The following AKAP10 variants were observed in gnomAD, a reference collection of about 807,000 sequenced individuals.
The protein encoded by AKAP10 is A-kinase anchoring protein 10.
A neutral mutation model predicts 80.8 loss-of-function variants in AKAP10; 24 were observed. The observed-to-expected ratio is 0.30, with a 90% CI of 0.22 to 0.42. The LOEUF (loss-of-function observed/expected upper bound fraction) is 0.42. Ranked by LOEUF, AKAP10 falls within the 10% of genes least tolerant of loss-of-function variation. The pLI is 1.00. For missense variants in AKAP10, 661 were observed against 794.9 expected (o/e 0.83, Z 2.03); for synonymous variants, 291 against 277.7 (o/e 1.05, Z -0.48).
intron 4 of AKAP10, among the ~76,000 whole-genome samples, chr17:19,953,435 A>C (rs113560325): frequency 6.6e-6 from 1 of 152,108 alleles, no homozygotes; most frequent in African/African-American, 2.4e-5. Context: ...TAAAATTGAA[A>C]ACAAAACAAC....
chr17:19,958,469 T>A lies in AKAP10; in HGVS notation c.422A>T (p.Gln141Leu). 1.2e-6 allele frequency: 2 copies of A among 1,614,124 alleles called. No individual in the cohort carries two copies. Among genetic ancestry groups the A allele is most frequent in the South Asian group, 2.2e-5 (2 of 91,090 alleles). ...CTCCATTCGCCGAAGTTCCATGAAT[T>A]GAATGAAGTAAGGGAGGACAATAGT... The part of the protein sequence containing the change: ...HDTIVLPYFI[Q>L]FMELRRMEHL... Residue 141 changes from glutamine to leucine, a missense_variant, in exon 4 of 15, where the codon CAA (glutamine) becomes CTA (leucine). By Grantham distance (113) the Gln-to-Leu change is moderately radical. Coordinates refer to ENST00000225737, the MANE Select transcript of AKAP10 (RefSeq NM_007202.4).
chr17:19,969,156 C>T (rs913591496), intron 1 of AKAP10, among the ~76,000 whole-genome samples: 1 of 152,116 alleles, frequency 6.6e-6, no homozygotes, highest in Non-Finnish European at 1.5e-5. Context: ...CCAGCCTGGC[C>T]AACATGGTGA....
In AKAP10 at chr17:19,958,550, T is replaced by C. The variant is rs764114511; in HGVS notation, c.341A>G (p.Gln114Arg). The C allele has an allele frequency of 6.2e-7, 1 of 1,603,528 alleles. No individual in the cohort carries two copies. Among genetic ancestry groups the C allele is most frequent in the African/African-American group, 1.3e-5 (1 of 74,966 alleles). ...AAGGCTTGATTTGGTCTCTTGAGTC[T>C]GGTAGTCCAGACAAGATCTGCCTAA... ...GDLGRSCLDYQTQETKSSLSK... is the reference protein window; with the variant it reads ...GDLGRSCLDYRTQETKSSLSK... Residue 114 changes from glutamine (Q) to arginine (R), a missense_variant, in exon 4 of 15, where the codon CAG becomes CGG. By Grantham distance (43) the Gln-to-Arg change is conservative (BLOSUM62 1). Coordinates refer to ENST00000225737, the MANE Select transcript of AKAP10 (RefSeq NM_007202.4).
At chr17:19,919,188 A>C (rs1246682528) in intron 12 of AKAP10, among the ~76,000 whole-genome samples, 1 of 147,250 alleles carries the variant, frequency 6.8e-6, no homozygotes, top group Non-Finnish European at 1.5e-5. Context: ...TTGGTTTTCT[A>C]TCCTTGAGAC....
chr17:19,913,819 A>C (rs1408629678), intron 12 of AKAP10, among the ~76,000 whole-genome samples: 1 of 152,140 alleles, frequency 6.6e-6, no homozygotes, highest in Admixed American at 6.5e-5. Flanking sequence ...ATAATCCGTA[A>C]TCTTACCACT....
At chr17:19,928,920 A>C (rs762127597) in intron 10 of AKAP10, among the ~76,000 whole-genome samples, 5,916 of 152,258 alleles carry the variant, frequency 0.039, 155 homozygotes, top group Non-Finnish European at 0.058. Flanking sequence ...CTTGTACACA[A>C]ATGGTCACAG....
chr17:19,923,525 T>C (rs1342820632), intron 11 of AKAP10, among the ~76,000 whole-genome samples: 1 of 152,118 alleles, frequency 6.6e-6, no homozygotes, highest in East Asian at 1.9e-4. Flanking sequence ...CCAATACCAC[T>C]GTTACTTTCT....
rs1405182574 is a variant in AKAP10 at position 19,905,725 on chromosome 17, G to A, written c.*502C>T. On this transcript the variant is annotated 3_prime_UTR_variant, in exon 15 of 15. Transcript: ENST00000225737. ...TTAACTCTCACCCTGTTCCGCTGAA[G>A]CTGCTAGCACCACGCTGCCACTCAA... 6.5e-6 allele frequency: 1 copy of A among 153,162 alleles called. No individual in the cohort carries two copies. The highest frequency in any genetic ancestry group is 2.4e-5 in the African/African-American group (1 of 41,338). 9.5% of individuals were successfully genotyped at this position (153,162 alleles called of 1,614,324 possible).
At chr17:19,974,148 G>A (rs183923230) in intron 1 of AKAP10, among the ~76,000 whole-genome samples, 25 of 152,090 alleles carry the variant, frequency 1.6e-4, no homozygotes, top group Admixed American at 1.4e-3. Flanking sequence ...GCCAAGATCC[G>A]CCACTGCACT....
chr17:19,935,509 T>C (rs2042983042), intron 9 of AKAP10, among the ~76,000 whole-genome samples: 1 of 152,194 alleles, frequency 6.6e-6, no homozygotes, highest in Admixed American at 6.5e-5. Context: ...TTACTTTTTT[T>C]AGCTTTTTGA....
chr17:19,957,893 C>T, intron 4 of AKAP10, 121 bp downstream of exon 4: 2 of 1,075,190 alleles, frequency 1.9e-6, no homozygotes, highest in Non-Finnish European at 2.6e-6. Context: ...CCCAAATTTA[C>T]AAGTAGTTAG....
chr17:19,972,266 C>A (rs183493540), intron 1 of AKAP10, among the ~76,000 whole-genome samples: 1 of 152,062 alleles, frequency 6.6e-6, no homozygotes, highest in East Asian at 1.9e-4. Context: ...TTCCTTGTTT[C>A]CTTTGAGGTT....
At chr17:19,915,096 T>G (rs1319542134) in intron 12 of AKAP10, among the ~76,000 whole-genome samples, 1 of 152,222 alleles carries the variant, frequency 6.6e-6, no homozygotes, top group Non-Finnish European at 1.5e-5. Flanking sequence ...CACCTCTTTC[T>G]TCTCATCTCT....
At chr17:19,931,675 G>T in intron 10 of AKAP10, 130 bp downstream of exon 10, 1 of 1,078,398 alleles carries the variant, frequency 9.3e-7, no homozygotes, top group Non-Finnish European at 1.3e-6. Context: ...ACAGGCACAG[G>T]CCACTGTGCC....
chr17:19,963,211 C>CT (rs35363359), intron 2 of AKAP10, among the ~76,000 whole-genome samples, 189 bp from the exon 3 acceptor site: 7,950 of 119,552 alleles, frequency 0.066, 333 homozygotes, highest in Non-Finnish European at 0.098. Flanking sequence ...AGAAAACACT[C>CT]TTTTTTTTTT....
intron 12 of AKAP10, among the ~76,000 whole-genome samples, chr17:19,913,408 T>A (rs1032887104): frequency 6.6e-6 from 1 of 151,936 alleles, no homozygotes; most frequent in Admixed American, 6.6e-5. Flanking sequence ...TGCCTTGGCC[T>A]CCCAACGTGC....
At chr17:19,950,388 T>G (rs2043186369) in intron 4 of AKAP10, among the ~76,000 whole-genome samples, 1 of 152,234 alleles carries the variant, frequency 6.6e-6, no homozygotes, top group African/African-American at 2.4e-5. Flanking sequence ...TGCCGCCATC[T>G]CGGCTCACTG....
In AKAP10 at chr17:19,945,909, C is replaced by A. The variant is rs540194972; in HGVS notation, c.976+1498G>T. On this transcript the variant is annotated intron_variant, in intron 5 of 14. Coordinates refer to ENST00000225737, the MANE Select transcript of AKAP10 (RefSeq NM_007202.4). ...TATTTATTGAATGAATAAATAACCTCTTTTATCTGTGAATATACGTTCACC... is the reference window on the plus strand; with the variant it reads ...TATTTATTGAATGAATAAATAACCTATTTTATCTGTGAATATACGTTCACC... Among the ~76,000 whole-genome samples, 3 of 151,808 alleles carry A rather than the reference C, an allele frequency of 2.0e-5. No individual in the cohort carries two copies. The South Asian group carries it at 6.2e-4, about 31-fold the overall frequency.
intron 5 of AKAP10, among the ~76,000 whole-genome samples, chr17:19,942,350 G>C (rs761695990): frequency 4.6e-5 from 7 of 151,804 alleles, no homozygotes; most frequent in Non-Finnish European, 1.0e-4. Context: ...ATACTCACTA[G>C]TAATCAAATA....
Sources: allele counts gnomAD v4.1 joint callset (sites outside exome capture counted in the v4.1 genomes callset), GRCh38; gene constraint gnomAD v4.1.1; transcripts MANE v1.5; gene names NCBI Gene and HGNC (gene_info 2026-07-23, HGNC 2026-07-21).